The following RAB38 variants were observed in gnomAD, a reference collection of about 807,000 sequenced individuals.
RAB38 encodes ras-related protein Rab-38.
Under a neutral mutation model 18.4 loss-of-function variants are expected in RAB38, and 15 were observed. The ratio of observed to expected loss-of-function variants is 0.82; its 90% CI spans 0.55 to 1.26. RAB38 has a LOEUF of 1.26. Ranked by LOEUF, RAB38 falls within the 50% of genes most tolerant of loss-of-function variation. RAB38 has a pLI of 0.00. For synonymous variants in RAB38, 101 were observed against 104.4 expected (o/e 0.97, Z 0.20); for missense variants, 294 against 267.4 (o/e 1.10, Z -0.69).
chr11:88,032,702 G>A, the RAB38 span, among the ~76,000 whole-genome samples: 13 of 152,152 alleles, frequency 8.5e-5, no homozygotes, highest in Non-Finnish European at 2.9e-5. Context: ...AGTTAGAATG[G>A]CAATCATTAA....
the RAB38 span, among the ~76,000 whole-genome samples, chr11:88,004,194 G>A: frequency 1.3e-5 from 2 of 149,384 alleles, no homozygotes; most frequent in East Asian, 3.9e-4. Flanking sequence ...CATGAATACA[G>A]ATGAAAGGAC....
At chr11:87,969,307 C>T in the RAB38 span, among the ~76,000 whole-genome samples, 7 of 152,216 alleles carry the variant, frequency 4.6e-5, no homozygotes, top group South Asian at 2.1e-4. Flanking sequence ...ATATCCCCCC[C>T]CAATAGAGTA....
the RAB38 span, among the ~76,000 whole-genome samples, chr11:87,813,237 A>C: frequency 2.5e-4 from 38 of 152,296 alleles, no homozygotes; most frequent in South Asian, 8.3e-4. Flanking sequence ...CAAGTGATGA[A>C]TTTTGGAAGG....
At chr11:87,885,356 G>T in the RAB38 span, among the ~76,000 whole-genome samples, 1 of 141,854 alleles carries the variant, frequency 7.0e-6, no homozygotes, top group Non-Finnish European at 1.5e-5. Flanking sequence ...CTCTGCTTTG[G>T]ATTCAGATGT....
At chr11:88,156,006 G>T (rs1943120508) in intron 1 of RAB38, among the ~76,000 whole-genome samples, 1 of 152,164 alleles carries the variant, frequency 6.6e-6, no homozygotes, top group Non-Finnish European at 1.5e-5. Flanking sequence ...AATGAAGAAA[G>T]TCTTTGAGAA....
chr11:87,945,082 T>A, the RAB38 span, among the ~76,000 whole-genome samples: 2 of 152,130 alleles, frequency 1.3e-5, no homozygotes, highest in African/African-American at 4.8e-5. Context: ...GGGTAAATTT[T>A]AAATTTTTCA....
chr11:87,860,185 T>C, the RAB38 span, among the ~76,000 whole-genome samples: 1 of 151,948 alleles, frequency 6.6e-6, no homozygotes, highest in Non-Finnish European at 1.5e-5. Flanking sequence ...ATCATAAGGA[T>C]GTTCATCATA....
the RAB38 span, among the ~76,000 whole-genome samples, chr11:87,948,910 A>G: frequency 6.6e-6 from 1 of 152,062 alleles, no homozygotes; most frequent in Admixed American, 6.6e-5. Flanking sequence ...TCATAAAATG[A>G]GTTAGGGAGG....
chr11:88,004,215 C>T, the RAB38 span, among the ~76,000 whole-genome samples: 4 of 150,112 alleles, frequency 2.7e-5, no homozygotes, highest in Non-Finnish European at 6.0e-5. Context: ...ATACATTCTT[C>T]GTGAATACAG....
the RAB38 span, among the ~76,000 whole-genome samples, chr11:87,955,513 AAAATTAT>A: frequency 1.3e-5 from 2 of 152,176 alleles, no homozygotes; most frequent in Non-Finnish European, 2.9e-5. Flanking sequence ...AATAAAAGTT[AAAATTAT>A]TTAAAGTATC....
the RAB38 span, among the ~76,000 whole-genome samples, chr11:87,841,717 G>GA: frequency 6.6e-6 from 1 of 152,120 alleles, no homozygotes; most frequent in Non-Finnish European, 1.5e-5. Context: ...ATCTGGACGT[G>GA]AAAAAACTCA....
chr11:87,813,169 C>T, the RAB38 span, among the ~76,000 whole-genome samples: 1 of 152,106 alleles, frequency 6.6e-6, no homozygotes, highest in African/African-American at 2.4e-5. Context: ...ATTTTATATC[C>T]TTCAGTCTGA....
At chr11:87,867,237 C>T in the RAB38 span, among the ~76,000 whole-genome samples, 1 of 151,682 alleles carries the variant, frequency 6.6e-6, no homozygotes, top group South Asian at 2.1e-4. Context: ...TTTTAGAGTT[C>T]AGTGGGCACC....
the RAB38 span, among the ~76,000 whole-genome samples, chr11:87,833,452 C>A: frequency 1.3e-5 from 2 of 152,138 alleles, no homozygotes; most frequent in Admixed American, 6.6e-5. Flanking sequence ...TCTTAAAAAT[C>A]TTTCTGTTGA....
chr11:88,068,094 C>T, the RAB38 span, among the ~76,000 whole-genome samples: 24 of 151,360 alleles, frequency 1.6e-4, no homozygotes, highest in Admixed American at 1.1e-3. Flanking sequence ...AAACACTCCT[C>T]GAAAAGACCT....
intron 1 of RAB38, among the ~76,000 whole-genome samples, chr11:88,174,642 C>A (rs112103930): frequency 0.058 from 5,386 of 93,278 alleles, 32 homozygotes; most frequent in Non-Finnish European, 0.064. Context: ...AAAAAAAAAA[C>A]AAAACAAAAA....
chr11:87,884,810 C>T, the RAB38 span, among the ~76,000 whole-genome samples: 1 of 151,858 alleles, frequency 6.6e-6, no homozygotes, highest in Non-Finnish European at 1.5e-5. Context: ...GGATGTCATT[C>T]GGAATGCAGA....
At chr11:87,918,405 G>A in the RAB38 span, among the ~76,000 whole-genome samples, 1 of 152,134 alleles carries the variant, frequency 6.6e-6, no homozygotes, top group African/African-American at 2.4e-5. Context: ...TTTATAACCA[G>A]TAGTGAAATT....
chr11:87,942,866 A>G, the RAB38 span, among the ~76,000 whole-genome samples: 68 of 152,276 alleles, frequency 4.5e-4, no homozygotes, highest in Middle Eastern at 0.02. Flanking sequence ...ATAGAAAAGA[A>G]TTTATATCCA....
Sources: allele counts gnomAD v4.1 joint callset (sites outside exome capture counted in the v4.1 genomes callset), GRCh38; gene constraint gnomAD v4.1.1; transcripts MANE v1.5; gene names NCBI Gene and HGNC (gene_info 2026-07-23, HGNC 2026-07-21).